HYDIN: variants seen among roughly 807,000 people sequenced by gnomAD.
HYDIN encodes axonemal central pair apparatus protein HYDIN.
Under a neutral mutation model 403.9 loss-of-function variants are expected in HYDIN, and 132 were observed. The observed-to-expected ratio is 0.33, with a 90% CI of 0.28 to 0.38. The LOEUF (loss-of-function observed/expected upper bound fraction) is 0.38. Ranked by LOEUF, HYDIN falls within the 10% of genes least tolerant of loss-of-function variation. The probability of loss-of-function intolerance (pLI) is 1.00; values close to 1 mark genes in which losing one functional copy is unlikely to be tolerated. For missense variants in HYDIN, 2,827 were observed against 5,009.5 expected (o/e 0.56, Z 13.15); for synonymous variants, 1,202 against 1,891.7 (o/e 0.64, Z 9.46).
intron 3 of HYDIN, 108 bp from the exon 4 acceptor site, chr16:71,179,155 A>T (rs2086802224): frequency 1.3e-6 from 1 of 763,482 alleles, no homozygotes; most frequent in African/African-American, 1.8e-5. Flanking sequence ...TAAACATGGG[A>T]AATATTCAAA....
At chr16:71,216,806 T>C (rs998110609) in intron 1 of HYDIN, among the ~76,000 whole-genome samples, 1 of 152,200 alleles carries the variant, frequency 6.6e-6, no homozygotes, top group African/African-American at 2.4e-5. Flanking sequence ...CTATAGTCGG[T>C]CCTGGACATC....
At chr16:70,887,316 A>C (rs2041199667) in intron 58 of HYDIN, among the ~76,000 whole-genome samples, 1 of 152,140 alleles carries the variant, frequency 6.6e-6, no homozygotes, top group Non-Finnish European at 1.5e-5. Context: ...CAATGTAATC[A>C]CAAGGGTCCT....
chr16:70,872,914 C>T (rs1351299856), intron 64 of HYDIN, among the ~76,000 whole-genome samples: 6 of 142,652 alleles, frequency 4.2e-5, no homozygotes, highest in African/African-American at 8.0e-5. Context: ...TACCTACCCA[C>T]TCACCCATCA....
chr16:70,871,440 C>T (rs539391617), intron 65 of HYDIN, among the ~76,000 whole-genome samples: 17 of 152,036 alleles, frequency 1.1e-4, no homozygotes, highest in Admixed American at 5.2e-4. Flanking sequence ...CCAGAGGCAA[C>T]GATCTTCTAG....
chr16:70,979,414 A>C lies in HYDIN; in HGVS notation c.4511-373T>G, dbSNP rs1210529050. On this transcript the variant is annotated intron_variant, in intron 29 of 85. Transcript: ENST00000393567. Reference sequence around the variant, plus strand: ...CCTGGAGCTCTCCCAGTGCTGGACAAACCCAGACAGCCGGTCACCCTTTAA... The same window carrying C: ...CCTGGAGCTCTCCCAGTGCTGGACACACCCAGACAGCCGGTCACCCTTTAA... Among the ~76,000 whole-genome samples, 3 of 152,048 alleles carry C rather than the reference A, an allele frequency of 2.0e-5. No homozygotes were observed. In the East Asian group the frequency reaches 5.8e-4, roughly 29 times the overall value.
chr16:71,058,457 G>GT (rs2081972833), intron 18 of HYDIN, among the ~76,000 whole-genome samples: 2 of 78,744 alleles, frequency 2.5e-5, no homozygotes, highest in South Asian at 6.2e-4. Context: ...GTGGGGGGAG[G>GT]GGGGAGGGAT....
chr16:70,853,896 T>C (rs7198567), intron 73 of HYDIN, among the ~76,000 whole-genome samples: 1,687 of 120,458 alleles, frequency 0.014, no homozygotes, highest in South Asian at 0.033. Context: ...TTCTTTCTTT[T>C]TTTTTTTTTT....
intron 65 of HYDIN, among the ~76,000 whole-genome samples, chr16:70,869,726 T>C (rs947535375): frequency 3.3e-5 from 5 of 149,664 alleles, no homozygotes; most frequent in African/African-American, 1.2e-4. Flanking sequence ...CGGGTATGTC[T>C]TTATCAGCAA....
At chr16:70,992,558 G>A (rs2079392572) in intron 23 of HYDIN, among the ~76,000 whole-genome samples, 1 of 148,590 alleles carries the variant, frequency 6.7e-6, no homozygotes, top group Admixed American at 6.8e-5. Flanking sequence ...TGCCTGGCCT[G>A]GAATAAGTAG....
chr16:71,040,363 G>T lies in HYDIN; in HGVS notation c.2530-8446C>A, dbSNP rs752778493. ...TATCTTTCAGTGATCTGATCCTGCT[G>T]CTCTCCTGCTGGGGATTCTGCATGG... On this transcript the variant is annotated intron_variant, in intron 18 of 85. Coordinates refer to ENST00000393567, the MANE Select transcript of HYDIN (RefSeq NM_001270974.2). Among the ~76,000 whole-genome samples the T allele has an allele frequency of 5.0e-3, 743 of 147,408 alleles. 9 individuals carry two copies. The highest frequency in any genetic ancestry group is 0.011 in the Middle Eastern group (3 of 282).
At chr16:71,071,722 G>GA (rs1480614464) in intron 13 of HYDIN, among the ~76,000 whole-genome samples, 2 of 152,090 alleles carry the variant, frequency 1.3e-5, no homozygotes, top group East Asian at 3.9e-4. Context: ...GGCTGTAAAG[G>GA]AAAAATTACA....
chr16:70,825,273 T>C (rs1230081880), intron 83 of HYDIN, among the ~76,000 whole-genome samples: 1 of 152,110 alleles, frequency 6.6e-6, no homozygotes, highest in East Asian at 1.9e-4. Flanking sequence ...GGACTTTCTC[T>C]TTCATCCCGG....
At chr16:71,038,647 G>A (rs1451155878) in intron 18 of HYDIN, among the ~76,000 whole-genome samples, 1 of 152,232 alleles carries the variant, frequency 6.6e-6, no homozygotes, top group Non-Finnish European at 1.5e-5. Context: ...GGGTCACCAA[G>A]GCATTTCTCT....
chr16:70,887,219 T>C (rs375587523), intron 58 of HYDIN, among the ~76,000 whole-genome samples: 1 of 152,228 alleles, frequency 6.6e-6, no homozygotes, highest in African/African-American at 2.4e-5. Flanking sequence ...CCTGTGAATA[T>C]GTTACCTTAT....
At chr16:71,011,840 C>T (rs900117691) in intron 23 of HYDIN, among the ~76,000 whole-genome samples, 24 of 151,564 alleles carry the variant, frequency 1.6e-4, no homozygotes, top group African/African-American at 4.4e-4. Context: ...CCACCCTCCT[C>T]TTCCAATCTC....
intron 11 of HYDIN, among the ~76,000 whole-genome samples, chr16:71,089,983 T>C (rs1261365233): frequency 5.8e-5 from 7 of 120,426 alleles, no homozygotes; most frequent in African/African-American, 2.4e-4. Context: ...GGAGGATGAG[T>C]TCAGGGGCTC....
chr16:71,200,994 CT>C (rs2087975466), intron 1 of HYDIN, among the ~76,000 whole-genome samples: 1 of 152,164 alleles, frequency 6.6e-6, no homozygotes, highest in Non-Finnish European at 1.5e-5. Context: ...GAACTTTCTT[CT>C]TCCACCCTGT....
At chr16:71,041,662 A>C (rs1305347071) in intron 18 of HYDIN, among the ~76,000 whole-genome samples, 2 of 152,234 alleles carry the variant, frequency 1.3e-5, no homozygotes, top group Non-Finnish European at 2.9e-5. Flanking sequence ...CAGACCACAC[A>C]CACCATAAAA....
chr16:70,920,372 TTGGATGGACTAATC>T (rs1175847218), intron 46 of HYDIN, among the ~76,000 whole-genome samples: 25 of 147,238 alleles, frequency 1.7e-4, no homozygotes, highest in African/African-American at 6.1e-4. Context: ...TCCCATAAGG[TTGGATGGACTAATC>T]TAGATGTGTG....
Sources: gnomAD v4.1 joint callset for allele counts (sites outside exome capture counted in the v4.1 genomes callset) on GRCh38, gnomAD v4.1.1 for gene constraint, MANE v1.5 for transcripts, NCBI Gene and HGNC (gene_info 2026-07-23, HGNC 2026-07-21) for gene names.